MYO16: variants seen among roughly 807,000 people sequenced by gnomAD.
The protein encoded by MYO16 is unconventional myosin-XVI.
In MYO16, 94 loss-of-function variants were observed where a neutral mutation model predicts 205.3. The ratio of observed to expected loss-of-function variants is 0.46; its 90% CI spans 0.39 to 0.54. MYO16 has a LOEUF of 0.54. MYO16 is among the 20% of genes least tolerant of loss of function. The pLI, the probability that MYO16 is intolerant of heterozygous loss-of-function variation, is 0.00. For synonymous variants in MYO16, 988 were observed against 954.0 expected, an observed-to-expected ratio of 1.04 and a Z score of -0.66; for missense variants, 2,315 against 2,387.5, an observed-to-expected ratio of 0.97 and a Z score of 0.63.
intron 28 of MYO16, among the ~76,000 whole-genome samples, chr13:109,107,363 A>C (rs904179342): frequency 5.9e-5 from 9 of 152,210 alleles, no homozygotes; most frequent in African/African-American, 1.9e-4. Context: ...TTAAGTTATG[A>C]TCTTTGAAGG....
chr13:109,056,712 C>T (rs1173182448), intron 27 of MYO16, among the ~76,000 whole-genome samples: 1 of 152,000 alleles, frequency 6.6e-6, no homozygotes, highest in East Asian at 1.9e-4. Context: ...TCAGAGATAG[C>T]TTTCAAAGAT....
the MYO16 span, among the ~76,000 whole-genome samples, chr13:108,577,766 G>C: frequency 1.3e-5 from 2 of 152,136 alleles, no homozygotes; most frequent in African/African-American, 4.8e-5. Context: ...AAAGGTGATC[G>C]AGAAGTCTTT....
Position 109,140,919 on chromosome 13 carries a change from G to T in MYO16, c.4707G>T (p.Lys1569Asn), listed in dbSNP as rs375544176. The change falls in exon 32 of 35, where the codon AAG becomes AAT. Residue 1569 changes from lysine (K) to asparagine (N), a missense_variant. By Grantham distance (94) the Lys-to-Asn change is moderately conservative. Coordinates refer to ENST00000457511, the MANE Select transcript of MYO16 (RefSeq NM_001198950.3). This position sits in a 1 kb window ranked among gnomAD's most constrained non-coding sequence, Gnocchi z 8.0. ...CCCCGCAGTACTCCAAGAGCCAGAAGGGCGACGGCGACAGGCCCGCGTCCC... is the reference window on the plus strand; with the variant it reads ...CCCCGCAGTACTCCAAGAGCCAGAATGGCGACGGCGACAGGCCCGCGTCCC... ...PLSPQYSKSQKGDGDRPASPG... is the reference protein window; with the variant it reads ...PLSPQYSKSQNGDGDRPASPG... 2 of 1,570,886 alleles carry T rather than the reference G, an allele frequency of 1.3e-6. No homozygotes were observed. The highest frequency in any genetic ancestry group is 1.4e-5 in the African/African-American group (1 of 70,766).
At chr13:109,094,348 A>G (rs1050569696) in intron 27 of MYO16, among the ~76,000 whole-genome samples, 3 of 151,744 alleles carry the variant, frequency 2.0e-5, no homozygotes, top group African/African-American at 7.3e-5. Context: ...GTGGCTGGCA[A>G]TATAGGTTTG....
chr13:109,074,043 G>C (rs1888010159), intron 27 of MYO16, among the ~76,000 whole-genome samples: 1 of 115,372 alleles, frequency 8.7e-6, no homozygotes, highest in Admixed American at 9.2e-5. Context: ...TAGTCATCCA[G>C]GACAGATTTT....
chr13:108,828,699 G>A (rs552572647), intron 9 of MYO16, among the ~76,000 whole-genome samples: 2 of 152,094 alleles, frequency 1.3e-5, no homozygotes, highest in African/African-American at 2.4e-5. Context: ...CAACCTCCAG[G>A]AGGAGCAGGA....
At chr13:109,161,132 C>A (rs1440601698) in intron 32 of MYO16, among the ~76,000 whole-genome samples, 1 of 152,186 alleles carries the variant, frequency 6.6e-6, no homozygotes, top group East Asian at 1.9e-4. Context: ...GCGGCTACTA[C>A]AAGCAGAGGA....
chr13:108,975,393 C>A (rs896665457), intron 20 of MYO16, among the ~76,000 whole-genome samples: 4 of 151,960 alleles, frequency 2.6e-5, no homozygotes, highest in African/African-American at 9.7e-5. Context: ...CAATTTATGA[C>A]TTTTTAAAAG....
chr13:109,131,596 C>T (rs1171570111), intron 31 of MYO16, among the ~76,000 whole-genome samples: 1 of 152,144 alleles, frequency 6.6e-6, no homozygotes, highest in African/African-American at 2.4e-5. Context: ...CATATGTATG[C>T]ATGTGCCATG....
intron 8 of MYO16, among the ~76,000 whole-genome samples, chr13:108,820,667 C>T (rs1875920129): frequency 6.6e-6 from 1 of 152,162 alleles, no homozygotes; most frequent in South Asian, 2.1e-4. Context: ...TGTATTTTGC[C>T]TTTCATGTTT....
chr13:109,007,655 A>T (rs1885444924), intron 21 of MYO16, among the ~76,000 whole-genome samples: 1 of 151,404 alleles, frequency 6.6e-6, no homozygotes. Context: ...CGCTGGTTAG[A>T]TTTGAGTTAT....
the MYO16 span, among the ~76,000 whole-genome samples, chr13:108,561,769 CAT>C: frequency 6.6e-6 from 1 of 152,154 alleles, no homozygotes; most frequent in Non-Finnish European, 1.5e-5. Context: ...GGAAAAAATG[CAT>C]ATTCAAAACC....
the MYO16 span, among the ~76,000 whole-genome samples, chr13:108,550,933 T>A: frequency 6.6e-6 from 1 of 152,232 alleles, no homozygotes; most frequent in Non-Finnish European, 1.5e-5. Flanking sequence ...TTTACACATT[T>A]GATAAATATT....
chr13:109,141,108 C>A lies in MYO16; in HGVS notation c.4896C>A (p.Ser1632Arg). Residue 1632 changes from serine to arginine, a missense_variant, in exon 32 of 35, where the codon AGC becomes AGA. Ser to Arg is a moderately radical substitution (Grantham distance 110). Coordinates refer to ENST00000457511, the MANE Select transcript of MYO16 (RefSeq NM_001198950.3). This position sits in a 1 kb window ranked among gnomAD's most constrained non-coding sequence, Gnocchi z 4.1. Reference sequence around the variant, plus strand: ...TGAACGCGGGGAAAGCGGGGCCGAGCGCAGAGGCGCCCAAGGTTCACCCAA... The same window carrying A: ...TGAACGCGGGGAAAGCGGGGCCGAGAGCAGAGGCGCCCAAGGTTCACCCAA... ...APVNAGKAGPSAEAPKVHPKP... is the reference protein window; with the variant it reads ...APVNAGKAGPRAEAPKVHPKP... 2 of 1,541,582 alleles carry A rather than the reference C, an allele frequency of 1.3e-6. No individual in the cohort carries two copies. Among genetic ancestry groups the A allele is most frequent in the South Asian group, 2.5e-5 (2 of 80,664 alleles).
chr13:109,195,214 G>A (rs191378167), intron 34 of MYO16, among the ~76,000 whole-genome samples: 1 of 152,108 alleles, frequency 6.6e-6, no homozygotes, highest in East Asian at 1.9e-4. Flanking sequence ...TCCAGATATA[G>A]CTCCTCTTGT....
intron 20 of MYO16, among the ~76,000 whole-genome samples, chr13:108,977,521 T>C (rs1386695221): frequency 2.6e-5 from 4 of 152,300 alleles, no homozygotes; most frequent in Admixed American, 6.5e-5. Context: ...TATGCAATCA[T>C]ATACCATGCT....
At chr13:108,665,856 C>A in intron 1 of MYO16, 30 bp from the exon 2 acceptor site, 1 of 1,601,452 alleles carries the variant, frequency 6.2e-7, no homozygotes, top group South Asian at 1.1e-5. Context: ...AATAATAGGT[C>A]TGGTGACGCT....
intron 22 of MYO16, among the ~76,000 whole-genome samples, chr13:109,014,724 T>C (rs183141036): frequency 2.6e-5 from 4 of 152,310 alleles, no homozygotes; most frequent in African/African-American, 9.6e-5. Flanking sequence ...ATTCTCTTTG[T>C]AGCAATTGTG....
chr13:108,677,042 T>A (rs956373973), intron 2 of MYO16, among the ~76,000 whole-genome samples: 1 of 152,178 alleles, frequency 6.6e-6, no homozygotes, highest in Admixed American at 6.5e-5. Context: ...AAGAAGAGGA[T>A]CAGGATTCCT....
Sources: allele counts gnomAD v4.1 joint callset (sites outside exome capture counted in the v4.1 genomes callset), GRCh38; gene constraint gnomAD v4.1.1; non-coding constraint Gnocchi (gnomAD v3.1); transcripts MANE v1.5; gene names NCBI Gene and HGNC (gene_info 2026-07-23, HGNC 2026-07-21).